MCTP1: variants seen among roughly 807,000 people sequenced by gnomAD.
MCTP1 encodes the protein multiple C2 and transmembrane domain containing 1, also known as multiple C2 and transmembrane domain-containing protein 1.
A neutral mutation model predicts 120.6 loss-of-function variants in MCTP1; 69 were observed. That is an observed-to-expected ratio of 0.57 (90% CI 0.47 to 0.70). The LOEUF (loss-of-function observed/expected upper bound fraction) is 0.70. Ranked by LOEUF, MCTP1 falls within the 30% of genes least tolerant of loss-of-function variation. The probability of loss-of-function intolerance (pLI) is 0.00; values close to 1 mark genes in which losing one functional copy is unlikely to be tolerated. For synonymous variants in MCTP1, 529 were observed against 493.1 expected, an observed-to-expected ratio of 1.07 and a Z score of -0.96; for missense variants, 1,203 against 1,248.8, an observed-to-expected ratio of 0.96 and a Z score of 0.55.
intron 2 of MCTP1, among the ~76,000 whole-genome samples, chr5:94,990,006 A>C (rs1215350551): frequency 6.6e-6 from 1 of 152,182 alleles, no homozygotes; most frequent in Non-Finnish European, 1.5e-5. Flanking sequence ...AACCAGTAAC[A>C]GCATGTAAAC....
chr5:95,129,401 T>C (rs917575880), intron 1 of MCTP1, among the ~76,000 whole-genome samples: 1 of 152,224 alleles, frequency 6.6e-6, no homozygotes, highest in Non-Finnish European at 1.5e-5. Flanking sequence ...AGTAGTTACC[T>C]AACCTGCCAA....
At chr5:95,048,512 A>C (rs1344315490) in intron 1 of MCTP1, among the ~76,000 whole-genome samples, 1 of 152,176 alleles carries the variant, frequency 6.6e-6, no homozygotes, top group African/African-American at 2.4e-5. Flanking sequence ...GAAGCTACTA[A>C]AATGGATAAA....
chr5:94,724,952 T>C (rs1761807293), intron 19 of MCTP1, among the ~76,000 whole-genome samples: 1 of 136,928 alleles, frequency 7.3e-6, no homozygotes, highest in Non-Finnish European at 1.7e-5. Context: ...GGCTCCCAAG[T>C]ATCCAGAGAT....
chr5:95,047,056 C>G (rs1744722421), intron 1 of MCTP1, among the ~76,000 whole-genome samples: 1 of 152,146 alleles, frequency 6.6e-6, no homozygotes, highest in African/African-American at 2.4e-5. Flanking sequence ...GGTGAGCACT[C>G]TACAAATATT....
At chr5:94,868,035 A>T (rs1003829342) in intron 17 of MCTP1, 3 of 203,304 alleles carry the variant, frequency 1.5e-5, no homozygotes, top group African/African-American at 2.3e-5. Flanking sequence ...TGGCTGTCCT[A>T]TTGGGGTTTG....
At chr5:95,194,126 G>A (rs1351190616) in intron 1 of MCTP1, among the ~76,000 whole-genome samples, 2 of 152,126 alleles carry the variant, frequency 1.3e-5, no homozygotes, top group Non-Finnish European at 2.9e-5. Flanking sequence ...TGAGGCAGGA[G>A]GATAGCTTGA....
intron 1 of MCTP1, among the ~76,000 whole-genome samples, chr5:95,047,891 T>C (rs1744970303): frequency 6.6e-6 from 1 of 152,138 alleles, no homozygotes; most frequent in African/African-American, 2.4e-5. Context: ...GATTAAGAGG[T>C]GGCTCCTACC....
intron 19 of MCTP1, among the ~76,000 whole-genome samples, chr5:94,730,032 A>T (rs142091936): frequency 5.2e-4 from 79 of 152,332 alleles, no homozygotes; most frequent in African/African-American, 1.8e-3. Flanking sequence ...GATAGCTTAG[A>T]CCAGGGTGGA....
At chr5:95,185,753 T>A (rs1031456930) in intron 1 of MCTP1, among the ~76,000 whole-genome samples, 4 of 151,906 alleles carry the variant, frequency 2.6e-5, no homozygotes, top group African/African-American at 9.7e-5. Context: ...ATCCCAGCAC[T>A]TTGGGAGGAT....
At chr5:94,850,215 C>T (rs17082138) in intron 17 of MCTP1, among the ~76,000 whole-genome samples, 5,826 of 152,244 alleles carry the variant, frequency 0.038, 179 homozygotes, top group South Asian at 0.093. Flanking sequence ...TGCACCCAAC[C>T]GTTCTGCGGT....
At chr5:95,036,543 C>T (rs535302844) in intron 1 of MCTP1, among the ~76,000 whole-genome samples, 35 of 152,194 alleles carry the variant, frequency 2.3e-4, no homozygotes, top group Middle Eastern at 3.4e-3. Flanking sequence ...TTTTTCCCCG[C>T]GGATTACAAA....
chr5:95,207,790 G>A (rs1365622236), intron 1 of MCTP1, among the ~76,000 whole-genome samples: 2 of 152,074 alleles, frequency 1.3e-5, no homozygotes, highest in African/African-American at 4.8e-5. Flanking sequence ...GAAGCTGAAG[G>A]AGAAAACAGG....
chr5:95,129,745 C>T (rs1026209960), intron 1 of MCTP1, among the ~76,000 whole-genome samples: 1 of 152,094 alleles, frequency 6.6e-6, no homozygotes, highest in South Asian at 2.1e-4. Context: ...CTGCAACCTC[C>T]GCCTTCTGGG....
At chr5:94,924,994 G>A (rs1812677005) in intron 6 of MCTP1, among the ~76,000 whole-genome samples, 2 of 152,168 alleles carry the variant, frequency 1.3e-5, no homozygotes, top group African/African-American at 2.4e-5. Flanking sequence ...ATGCATTGAA[G>A]TCCCCAGGCT....
intron 1 of MCTP1, among the ~76,000 whole-genome samples, chr5:95,155,473 A>G (rs950598932): frequency 6.6e-6 from 1 of 152,140 alleles, no homozygotes; most frequent in African/African-American, 2.4e-5. Context: ...TTTGCTTTAT[A>G]ATAGCTAATA....
intron 1 of MCTP1, among the ~76,000 whole-genome samples, chr5:95,053,567 G>A (rs547368170): frequency 2.6e-5 from 4 of 152,240 alleles, no homozygotes; most frequent in South Asian, 2.1e-4. Context: ...TTGACAGACC[G>A]CAATTTGAGA....
rs183058828 is a variant in MCTP1 at position 95,244,371 on chromosome 5, G to A, written c.720+39485C>T. Among the ~76,000 whole-genome samples the A allele has an allele frequency of 8.5e-5, 13 of 152,310 alleles. No homozygotes were observed. The East Asian group carries it at 1.5e-3, about 18-fold the overall frequency. ...CACGGAGGATGAGCCAAAGCAGGGCGGGGCATCACCTCACCCGGGAAGCAC... is the reference window on the plus strand; with the variant it reads ...CACGGAGGATGAGCCAAAGCAGGGCAGGGCATCACCTCACCCGGGAAGCAC... On this transcript the variant is annotated intron_variant, in intron 1 of 22. Coordinates refer to ENST00000515393, the MANE Select transcript of MCTP1 (RefSeq NM_024717.7).
chr5:94,846,291 T>C (rs998608360), intron 17 of MCTP1, among the ~76,000 whole-genome samples: 1 of 152,048 alleles, frequency 6.6e-6, no homozygotes, highest in Non-Finnish European at 1.5e-5. Context: ...GAAAATATAG[T>C]ACATACACAG....
chr5:94,827,504 G>A (rs1787439440), intron 17 of MCTP1, among the ~76,000 whole-genome samples: 1 of 152,080 alleles, frequency 6.6e-6, no homozygotes, highest in Admixed American at 6.5e-5. Context: ...TCCTGAATTT[G>A]AATATTGGCC....
Sources: allele counts gnomAD v4.1 joint callset (sites outside exome capture counted in the v4.1 genomes callset), GRCh38; gene constraint gnomAD v4.1.1; transcripts MANE v1.5; gene names NCBI Gene and HGNC (gene_info 2026-07-23, HGNC 2026-07-21).